KIAA1217: variants seen among roughly 807,000 people sequenced by gnomAD.
The protein encoded by KIAA1217 is KIAA1217, also known as sickle tail protein homolog.
KIAA1217 carries 88 observed loss-of-function variants against 163.9 expected under a neutral mutation model. The observed-to-expected ratio is 0.54, with a 90% CI of 0.45 to 0.64. KIAA1217 has a LOEUF of 0.64. Among genes scored for constraint, KIAA1217 ranks in the 30% least tolerant of loss-of-function variants. KIAA1217 has a pLI of 0.00. For missense variants in KIAA1217, 2,372 were observed against 2,475.0 expected (o/e 0.96, Z 0.88); for synonymous variants, 903 against 923.1 (o/e 0.98, Z 0.39).
At chr10:23,813,636 A>G (rs1837178281) in intron 1 of KIAA1217, among the ~76,000 whole-genome samples, 1 of 152,138 alleles carries the variant, frequency 6.6e-6, no homozygotes, top group South Asian at 2.1e-4. Context: ...ATTCTTGCAC[A>G]CTTGTAAAGT....
chr10:24,321,395 TGGGCGTAGTG>T (rs2044135788), intron 2 of KIAA1217, among the ~76,000 whole-genome samples: 1 of 151,876 alleles, frequency 6.6e-6, no homozygotes, highest in African/African-American at 2.4e-5. Flanking sequence ...AAAACTTAAC[TGGGCGTAGTG>T]GTGCATGCCT....
At chr10:23,920,356 T>G (rs994405237) in intron 1 of KIAA1217, among the ~76,000 whole-genome samples, 2 of 152,094 alleles carry the variant, frequency 1.3e-5, no homozygotes, top group African/African-American at 4.8e-5. Flanking sequence ...TGTCCTTTCT[T>G]TTGGTAAGGT....
At chr10:24,216,125 A>G (rs2068783018) in intron 1 of KIAA1217, among the ~76,000 whole-genome samples, 1 of 152,212 alleles carries the variant, frequency 6.6e-6, no homozygotes, top group Admixed American at 6.5e-5. Context: ...TGATGAGTCT[A>G]GTCCAGTAAG....
intron 2 of KIAA1217, among the ~76,000 whole-genome samples, chr10:24,291,985 A>G (rs146765342): frequency 6.6e-6 from 1 of 152,322 alleles, no homozygotes; most frequent in African/African-American, 2.4e-5. Context: ...ATAAAATGGA[A>G]CAACATTGGA....
At chr10:24,380,140 AG>A (rs2053094884) in intron 2 of KIAA1217, among the ~76,000 whole-genome samples, 1 of 152,168 alleles carries the variant, frequency 6.6e-6, no homozygotes, top group African/African-American at 2.4e-5. Context: ...CTGAAGGACC[AG>A]TTGTGTTCAA....
chr10:24,427,806 T>C (rs1431790010), intron 3 of KIAA1217, among the ~76,000 whole-genome samples: 1 of 152,232 alleles, frequency 6.6e-6, no homozygotes, highest in Non-Finnish European at 1.5e-5. Flanking sequence ...TGTGGGCTTT[T>C]GTTCATCATC....
intron 2 of KIAA1217, among the ~76,000 whole-genome samples, chr10:24,058,865 A>C (rs955039298): frequency 6.6e-6 from 1 of 152,040 alleles, no homozygotes; most frequent in Admixed American, 6.6e-5. Context: ...TTTATGATGT[A>C]GATGCCTTTT....
chr10:24,358,378 T>G (rs1418266603), intron 2 of KIAA1217, among the ~76,000 whole-genome samples: 1 of 152,164 alleles, frequency 6.6e-6, no homozygotes, highest in African/African-American at 2.4e-5. Flanking sequence ...CCCAGGCACT[T>G]TGTAGAACAC....
At chr10:23,960,276 T>C (rs957391459) in intron 1 of KIAA1217, among the ~76,000 whole-genome samples, 4 of 151,906 alleles carry the variant, frequency 2.6e-5, no homozygotes, top group Admixed American at 6.6e-5. Context: ...AACACCTTCT[T>C]GCTTCTGCTG....
intron 6 of KIAA1217, among the ~76,000 whole-genome samples, chr10:24,493,863 T>C (rs543049121): frequency 4.6e-5 from 7 of 152,330 alleles, no homozygotes; most frequent in Admixed American, 3.9e-4. Context: ...TTTCACCATG[T>C]TGGCCAAGCT....
At chr10:24,166,759 A>G (rs1337283514) in intron 2 of KIAA1217, among the ~76,000 whole-genome samples, 4 of 152,118 alleles carry the variant, frequency 2.6e-5, no homozygotes, top group Non-Finnish European at 5.9e-5. Context: ...AAAAGCTAGA[A>G]GGGCATAATT....
intron 1 of KIAA1217, among the ~76,000 whole-genome samples, chr10:23,885,023 C>T (rs916092010): frequency 6.6e-6 from 1 of 152,048 alleles, no homozygotes; most frequent in African/African-American, 2.4e-5. Context: ...ACTCTTCTCT[C>T]CTGATAGTTT....
chr10:24,170,022 A>T (rs1041382854), intron 2 of KIAA1217, among the ~76,000 whole-genome samples: 1 of 152,242 alleles, frequency 6.6e-6, no homozygotes, highest in African/African-American at 2.4e-5. Context: ...TGTGTTATGT[A>T]AGTGCAGCTC....
intron 1 of KIAA1217, among the ~76,000 whole-genome samples, chr10:23,932,546 A>G (rs1459178168): frequency 6.6e-6 from 1 of 152,220 alleles, no homozygotes; most frequent in Non-Finnish European, 1.5e-5. Flanking sequence ...GGAGTGTTGA[A>G]TAACTGGTAA....
At chr10:24,154,997 G>A (rs913979226) in intron 2 of KIAA1217, among the ~76,000 whole-genome samples, 3 of 151,880 alleles carry the variant, frequency 2.0e-5, no homozygotes, top group Admixed American at 6.6e-5. Context: ...TGGGGAGTTA[G>A]CGTTTAATGC....
intron 2 of KIAA1217, among the ~76,000 whole-genome samples, chr10:24,286,230 T>C (rs2132333807): frequency 6.6e-6 from 1 of 152,268 alleles, no homozygotes; most frequent in Admixed American, 6.5e-5. Context: ...TTAATTGGTT[T>C]TTTAAAAATT....
At chr10:24,522,404 T>A (rs1038579993) in intron 12 of KIAA1217, among the ~76,000 whole-genome samples, 1 of 152,178 alleles carries the variant, frequency 6.6e-6, no homozygotes, top group Non-Finnish European at 1.5e-5. Flanking sequence ...TTTATTAGCC[T>A]CCTTCACTTC....
intron 1 of KIAA1217, among the ~76,000 whole-genome samples, chr10:23,842,413 A>G (rs1046923649): frequency 4.6e-5 from 7 of 152,102 alleles, no homozygotes; most frequent in African/African-American, 1.7e-4. Context: ...GATAAGTCGG[A>G]AAAAAAGGCA....
intron 9 of KIAA1217, among the ~76,000 whole-genome samples, chr10:24,512,909 T>C (rs1351293870): frequency 6.6e-6 from 1 of 152,158 alleles, no homozygotes; most frequent in Non-Finnish European, 1.5e-5. Flanking sequence ...AGAGAGAGTA[T>C]GGGATTAGAC....
Sources: allele counts gnomAD v4.1 joint callset (sites outside exome capture counted in the v4.1 genomes callset), GRCh38; gene constraint gnomAD v4.1.1; transcripts MANE v1.5; gene names NCBI Gene and HGNC (gene_info 2026-07-23, HGNC 2026-07-21).